TENM1: variants seen among roughly 807,000 people sequenced by gnomAD.
TENM1 encodes the protein teneurin transmembrane protein 1, also known as teneurin-1.
TENM1 carries 35 observed loss-of-function variants against 174.8 expected under a neutral mutation model. The ratio of observed to expected loss-of-function variants is 0.20; its 90% CI spans 0.15 to 0.27. TENM1 has a LOEUF of 0.27. Among genes scored for constraint, TENM1 ranks in the 10% least tolerant of loss-of-function variants. The probability of loss-of-function intolerance (pLI) is 1.00; values close to 1 mark genes in which losing one functional copy is unlikely to be tolerated. For synonymous variants in TENM1, 781 were observed against 798.7 expected (o/e 0.98, Z 0.37); for missense variants, 1,633 against 2,130.1 (o/e 0.77, Z 4.59).
At chrX:124,419,018 T>C (rs895687743) in intron 25 of TENM1, among the ~76,000 whole-genome samples, 2 of 111,735 alleles carry the variant, frequency 1.8e-5, no homozygotes, top group Non-Finnish European at 3.8e-5. Flanking sequence ...ATTATGGGGA[T>C]CAAATAAAGT....
intron 1 of TENM1, among the ~76,000 whole-genome samples, chrX:124,940,001 T>A (rs750579676): frequency 1.1e-3 from 125 of 112,233 alleles, no homozygotes; most frequent in African/African-American, 3.8e-3. Flanking sequence ...ACCATGTCTA[T>A]GTTTTTCACA....
rs370306608 is a variant in TENM1, at chrX:124,720,006, C to A, written c.777-14755G>T. On this transcript the variant is annotated intron_variant, in intron 4 of 31. Coordinates refer to ENST00000422452, the Ensembl canonical transcript of TENM1. ...GACAACATGAAGGAAGATATTGAAA[C>A]TGTACTGCAGCCTCACACACAGTAT... Among the ~76,000 whole-genome samples the A allele has an allele frequency of 8.0e-5, 9 of 111,880 alleles. No homozygotes were observed. The East Asian group carries it at 1.4e-3, about 17-fold the overall frequency.
chrX:124,958,988 G>A (rs553573103), intron 1 of TENM1, among the ~76,000 whole-genome samples: 1 of 110,874 alleles, frequency 9.0e-6, no homozygotes, highest in African/African-American at 3.3e-5. Context: ...CATAGCAGGT[G>A]CCCAATCAAC....
At chrX:124,657,139 C>T (rs1211837171) in intron 6 of TENM1, among the ~76,000 whole-genome samples, 1 of 111,341 alleles carries the variant, frequency 9.0e-6, no homozygotes, top group East Asian at 2.8e-4. Context: ...CATTTAATCT[C>T]TTATTTTACT....
chrX:125,112,930 T>C, the TENM1 span, among the ~76,000 whole-genome samples: 3 of 110,924 alleles, frequency 2.7e-5, no homozygotes, highest in African/African-American at 9.8e-5. Context: ...CCCCAGGCTC[T>C]TGTGGTAGAA....
chrX:124,834,142 T>C (rs2056345216), intron 3 of TENM1, among the ~76,000 whole-genome samples: 1 of 111,725 alleles, frequency 9.0e-6, no homozygotes, highest in Admixed American at 9.5e-5. Context: ...AAGAAAAATA[T>C]ATAGTCAATC....
At chrX:124,594,030 C>T (rs2049829336) in intron 11 of TENM1, among the ~76,000 whole-genome samples, 1 of 112,365 alleles carries the variant, frequency 8.9e-6, no homozygotes, top group Admixed American at 9.4e-5. Context: ...GGCTCTCATT[C>T]TTGGGTCTGG....
intron 8 of TENM1, among the ~76,000 whole-genome samples, chrX:124,648,616 T>C (rs149679780): frequency 8.9e-6 from 1 of 112,296 alleles, no homozygotes; most frequent in African/African-American, 3.2e-5. Flanking sequence ...AAGAGACTTT[T>C]TATCATTCAG....
intron 3 of TENM1, among the ~76,000 whole-genome samples, chrX:124,851,998 T>C (rs1016948026): frequency 1.8e-5 from 2 of 111,595 alleles, no homozygotes; most frequent in Admixed American, 1.9e-4. Context: ...GGAGCTGCTA[T>C]CTGAACTGGC....
chrX:124,926,295 C>T (rs1483124008), intron 1 of TENM1, among the ~76,000 whole-genome samples: 1 of 111,624 alleles, frequency 9.0e-6, no homozygotes, highest in African/African-American at 3.3e-5. Context: ...CTCTCTGAGC[C>T]TCAATTTCCC....
At chrX:124,732,201 C>T (rs1231213234) in intron 4 of TENM1, among the ~76,000 whole-genome samples, 6 of 112,019 alleles carry the variant, frequency 5.4e-5, no homozygotes, top group East Asian at 2.8e-4. Context: ...ATAAATAAAA[C>T]GTGGTTTAGC....
chrX:124,638,094 AT>A (rs2050923276), intron 11 of TENM1, among the ~76,000 whole-genome samples: 1 of 110,895 alleles, frequency 9.0e-6, no homozygotes, highest in African/African-American at 3.3e-5. Flanking sequence ...TTCCCTCATC[AT>A]TTCATTTGTT....
Position 124,963,527 on chromosome X carries a change from A to C in TENM1, c.217+10T>G. 1.7e-6 allele frequency: 2 copies of C among 1,176,999 alleles called. No homozygotes were observed. The highest frequency in any genetic ancestry group is 2.3e-6 in the Non-Finnish European group (2 of 865,786). On this transcript the variant is annotated intron_variant, in intron 1 of 31. Transcript: ENST00000422452. Reference sequence around the variant, plus strand: ...ATAATATTTGTTATAAAGATCCAATAAAAACATACCTTGAGTAGATTTTTC... The same window carrying C: ...ATAATATTTGTTATAAAGATCCAATCAAAACATACCTTGAGTAGATTTTTC...
chrX:124,782,214 G>A (rs2054928950), intron 3 of TENM1, among the ~76,000 whole-genome samples: 1 of 111,725 alleles, frequency 9.0e-6, no homozygotes. Context: ...AGGTGAATGA[G>A]AAACAAACTA....
intron 3 of TENM1, among the ~76,000 whole-genome samples, chrX:124,863,089 T>C (rs2056942366): frequency 9.2e-6 from 1 of 108,212 alleles, no homozygotes; most frequent in Non-Finnish European, 1.9e-5. Flanking sequence ...CACCTGCTAA[T>C]TGAAGAGCCT....
At chrX:125,003,104 C>T in the TENM1 span, among the ~76,000 whole-genome samples, 8 of 111,629 alleles carry the variant, frequency 7.2e-5, no homozygotes, top group Non-Finnish European at 1.3e-4. Flanking sequence ...TCTCACACTA[C>T]AGATGTCAGT....
the TENM1 span, among the ~76,000 whole-genome samples, chrX:125,148,610 C>T: frequency 9.0e-6 from 1 of 111,672 alleles, no homozygotes; most frequent in Non-Finnish European, 1.9e-5. Context: ...AACTCAAGTT[C>T]CATAGTTCTA....
At chrX:124,865,140 G>A (rs1287263345) in intron 3 of TENM1, among the ~76,000 whole-genome samples, 3 of 111,564 alleles carry the variant, frequency 2.7e-5, no homozygotes, top group Admixed American at 9.5e-5. Flanking sequence ...AGAAAGAAGA[G>A]GACATTAATG....
the TENM1 span, among the ~76,000 whole-genome samples, chrX:125,199,408 G>A: frequency 8.9e-6 from 1 of 112,345 alleles, no homozygotes; most frequent in South Asian, 3.6e-4. Context: ...CATGTGAAAA[G>A]AGATTTTTAA....
Sources: allele counts gnomAD v4.1 joint callset (sites outside exome capture counted in the v4.1 genomes callset), GRCh38; gene constraint gnomAD v4.1.1; transcripts MANE v1.5; gene names NCBI Gene and HGNC (gene_info 2026-07-23, HGNC 2026-07-21).